Variants in FXYD6 observed in about 807,000 individuals in gnomAD.
FXYD6 encodes the protein FXYD domain-containing ion transport regulator 6.
A neutral mutation model predicts 16.7 loss-of-function variants in FXYD6; 7 were observed. The observed-to-expected ratio is 0.42, with a 90% CI of 0.24 to 0.79. The LOEUF (loss-of-function observed/expected upper bound fraction) is 0.79. Among genes scored for constraint, FXYD6 ranks in the 30% least tolerant of loss-of-function variants. The pLI, the probability that FXYD6 is intolerant of heterozygous loss-of-function variation, is 0.28. For synonymous variants in FXYD6, 49 were observed against 43.0 expected (o/e 1.14, Z -0.54); for missense variants, 111 against 116.2 (o/e 0.95, Z 0.21).
intron 1 of FXYD6, among the ~76,000 whole-genome samples, chr11:117,843,334 C>T (rs1321164574): frequency 6.6e-6 from 1 of 152,184 alleles, no homozygotes; most frequent in Non-Finnish European, 1.5e-5. Context: ...AGGCCGAGAA[C>T]CTGAAGCTTA....
intron 6 of FXYD6, 135 bp from the exon 7 acceptor site, chr11:117,839,965 T>C: frequency 8.6e-7 from 1 of 1,163,256 alleles, no homozygotes; most frequent in Non-Finnish European, 1.3e-6. Flanking sequence ...GTCAGAACGA[T>C]CTGGGTTCAA....
intron 1 of FXYD6, among the ~76,000 whole-genome samples, chr11:117,864,593 C>T (rs1255266117): frequency 1.3e-5 from 2 of 151,940 alleles, no homozygotes; most frequent in African/African-American, 2.4e-5. Flanking sequence ...ACAAATTGCA[C>T]GTTTTTTTTT....
chr11:117,853,119 C>T (rs377593452), intron 1 of FXYD6, among the ~76,000 whole-genome samples: 10 of 152,266 alleles, frequency 6.6e-5, no homozygotes, highest in African/African-American at 2.4e-4. Flanking sequence ...GGGTCAAAAT[C>T]TACTTTTTGT....
intron 1 of FXYD6, among the ~76,000 whole-genome samples, chr11:117,874,099 T>A (rs890677095): frequency 6.6e-6 from 1 of 152,028 alleles, no homozygotes; most frequent in Non-Finnish European, 1.5e-5. Context: ...AGCCTCAGTT[T>A]CCCCCACTGT....
chr11:117,840,161 T>G (rs2056305134), intron 6 of FXYD6, 158 bp downstream of exon 6: 4 of 872,138 alleles, frequency 4.6e-6, no homozygotes, highest in Non-Finnish European at 7.3e-6. Context: ...TTTGGTGGAG[T>G]GAGGGGGCAA....
intron 1 of FXYD6, among the ~76,000 whole-genome samples, chr11:117,857,653 C>T (rs546261882): frequency 1.3e-5 from 2 of 152,218 alleles, no homozygotes; most frequent in South Asian, 4.2e-4. Context: ...GTGAGCCGCC[C>T]ACCTCAACTT....
chr11:117,865,431 T>G (rs2056993361), intron 1 of FXYD6, among the ~76,000 whole-genome samples: 1 of 152,246 alleles, frequency 6.6e-6, no homozygotes, highest in South Asian at 2.1e-4. Context: ...CATAGCAGCA[T>G]TATTCACAAT....
chr11:117,874,437 G>T (rs1255522690), intron 1 of FXYD6, among the ~76,000 whole-genome samples: 1 of 152,156 alleles, frequency 6.6e-6, no homozygotes, highest in Admixed American at 6.5e-5. Context: ...GAGGAGCCAG[G>T]GGGGAAGCAG....
intron 1 of FXYD6, among the ~76,000 whole-genome samples, chr11:117,859,573 CACTT>C (rs2056855841): frequency 6.6e-6 from 1 of 152,204 alleles, no homozygotes; most frequent in Non-Finnish European, 1.5e-5. Context: ...TGCTTATTCT[CACTT>C]AATCCTTAAA....
intron 1 of FXYD6, among the ~76,000 whole-genome samples, chr11:117,848,176 G>A (rs1041045421): frequency 4.4e-4 from 67 of 152,234 alleles, no homozygotes; most frequent in African/African-American, 1.2e-3. Context: ...CACACAACAC[G>A]TGCACACTCA....
chr11:117,858,910 G>A (rs2056838314), intron 1 of FXYD6, among the ~76,000 whole-genome samples: 1 of 151,730 alleles, frequency 6.6e-6, no homozygotes, highest in Admixed American at 6.6e-5. Flanking sequence ...CGAGTAGCTG[G>A]GACTACAGGT....
At chr11:117,843,523 T>C (rs2056405933) in intron 1 of FXYD6, 1 of 152,236 alleles carries the variant, frequency 6.6e-6, no homozygotes, top group Non-Finnish European at 1.5e-5. Context: ...CCATCAGAAA[T>C]GTCTCTTAAT....
intron 1 of FXYD6, among the ~76,000 whole-genome samples, chr11:117,858,604 G>A (rs967879906): frequency 6.6e-5 from 10 of 151,698 alleles, no homozygotes; most frequent in East Asian, 5.8e-4. Context: ...TTTGTAAAAC[G>A]GAGAGTCGAT....
intron 1 of FXYD6, among the ~76,000 whole-genome samples, chr11:117,865,729 C>T (rs1470123167): frequency 6.6e-6 from 1 of 152,046 alleles, no homozygotes; most frequent in Admixed American, 6.5e-5. Context: ...AGTTCGAGAC[C>T]AGTCTGGCCA....
chr11:117,856,666 C>G (rs932841278), intron 1 of FXYD6, among the ~76,000 whole-genome samples: 1 of 152,132 alleles, frequency 6.6e-6, no homozygotes, highest in African/African-American at 2.4e-5. Flanking sequence ...TATGACGTAT[C>G]TAGATCTTTG....
intron 1 of FXYD6, among the ~76,000 whole-genome samples, chr11:117,844,770 C>T (rs2056435761): frequency 1.3e-5 from 2 of 152,304 alleles, no homozygotes; most frequent in Middle Eastern, 3.4e-3. Context: ...GAATTACAGG[C>T]GTGAGCCACC....
At chr11:117,869,318 G>A (rs994640064) in intron 1 of FXYD6, 3 of 152,292 alleles carry the variant, frequency 2.0e-5, no homozygotes, top group African/African-American at 7.2e-5. Flanking sequence ...GACAGTCTAG[G>A]AGCAGGACAG....
chr11:117,851,311 T>C (rs1257929051), intron 1 of FXYD6, among the ~76,000 whole-genome samples: 1 of 152,222 alleles, frequency 6.6e-6, no homozygotes, highest in African/African-American at 2.4e-5. Flanking sequence ...CCCTCTCGGA[T>C]TGCTTGTTCT....
chr11:117,844,353 T>C (rs368434251), intron 1 of FXYD6: 1 of 152,254 alleles, frequency 6.6e-6, no homozygotes, highest in African/African-American at 2.4e-5. Context: ...ATAGTAATAA[T>C]AGAAACACCC....
Sources: gnomAD v4.1 joint callset for allele counts (sites outside exome capture counted in the v4.1 genomes callset) on GRCh38, gnomAD v4.1.1 for gene constraint, MANE v1.5 for transcripts, NCBI Gene and HGNC (gene_info 2026-07-23, HGNC 2026-07-21) for gene names.